LINGO2: variants seen among roughly 807,000 people sequenced by gnomAD.
LINGO2 encodes leucine rich repeat and Ig domain containing 2, also known as leucine-rich repeat and immunoglobulin-like domain-containing nogo receptor-interacting protein 2.
In LINGO2, 14 loss-of-function variants were observed where a neutral mutation model predicts 30.6. The observed-to-expected ratio is 0.46, with a 90% CI of 0.30 to 0.72. The LOEUF (loss-of-function observed/expected upper bound fraction) is 0.72. Ranked by LOEUF, LINGO2 falls within the 30% of genes least tolerant of loss-of-function variation. LINGO2 has a pLI of 0.07. For synonymous variants in LINGO2, 317 were observed against 288.5 expected (o/e 1.10, Z -1.00); for missense variants, 729 against 751.7 (o/e 0.97, Z 0.35).
chr9:28,512,186 G>T (rs144531869), intron 1 of LINGO2, among the ~76,000 whole-genome samples: 109 of 152,114 alleles, frequency 7.2e-4, no homozygotes, highest in South Asian at 2.1e-3. Context: ...TGGCCTGATG[G>T]GTCAGAAAGC....
At chr9:28,491,639 A>T (rs1334598477) in intron 1 of LINGO2, among the ~76,000 whole-genome samples, 5 of 152,162 alleles carry the variant, frequency 3.3e-5, no homozygotes, top group Admixed American at 2.6e-4. Context: ...AAACATTTAA[A>T]ATCAAATGGA....
At chr9:28,252,004 G>T (rs370995801) in intron 4 of LINGO2, among the ~76,000 whole-genome samples, 1 of 152,072 alleles carries the variant, frequency 6.6e-6, no homozygotes, top group East Asian at 1.9e-4. Flanking sequence ...TGGCCAATTT[G>T]CTTAACTTCC....
intron 4 of LINGO2, among the ~76,000 whole-genome samples, chr9:28,188,412 C>T (rs1819620289): frequency 6.6e-6 from 1 of 152,094 alleles, no homozygotes; most frequent in Non-Finnish European, 1.5e-5. Context: ...AATGGCCATC[C>T]TCTCTTCAAC....
intron 4 of LINGO2, among the ~76,000 whole-genome samples, chr9:28,245,057 T>C (rs958888583): frequency 2.5e-4 from 38 of 152,256 alleles, no homozygotes; most frequent in African/African-American, 8.4e-4. Context: ...AAATCCTTAA[T>C]CAAATACTGG....
At chr9:28,448,067 G>C (rs1007017686) in intron 2 of LINGO2, among the ~76,000 whole-genome samples, 3 of 152,076 alleles carry the variant, frequency 2.0e-5, no homozygotes, top group African/African-American at 7.2e-5. Context: ...ATACTACCTA[G>C]AGCTGCAAAT....
intron 1 of LINGO2, among the ~76,000 whole-genome samples, chr9:28,632,854 T>TATATATATATATA (rs1563878982): frequency 3.3e-4 from 27 of 83,042 alleles, no homozygotes; most frequent in African/African-American, 1.2e-3. Context: ...TATATATATT[T>TATATATATATATA]TTTATATATA....
chr9:28,759,080 T>C, the LINGO2 span, among the ~76,000 whole-genome samples: 2 of 152,092 alleles, frequency 1.3e-5, no homozygotes, highest in East Asian at 3.9e-4. Flanking sequence ...TTTTCCTTAG[T>C]TGCTGTCAGT....
intron 4 of LINGO2, among the ~76,000 whole-genome samples, chr9:28,082,397 G>T (rs760241351): frequency 6.6e-6 from 1 of 152,056 alleles, no homozygotes; most frequent in Non-Finnish European, 1.5e-5. Flanking sequence ...TCATGCTGTT[G>T]GTTGTGTGAT....
chr9:27,994,281 T>A (rs1207107396), intron 5 of LINGO2, among the ~76,000 whole-genome samples: 1 of 150,668 alleles, frequency 6.6e-6, no homozygotes, highest in Non-Finnish European at 1.5e-5. Context: ...ATTAGTAGAA[T>A]GAAAGAAATA....
intron 4 of LINGO2, among the ~76,000 whole-genome samples, chr9:28,112,043 A>T (rs13299165): frequency 4.7e-4 from 52 of 110,676 alleles, no homozygotes; most frequent in Non-Finnish European, 8.3e-4. Flanking sequence ...ATATCTCCCA[A>T]TGCTATCCCT....
At chr9:28,291,020 C>G (rs140285465) in intron 4 of LINGO2, among the ~76,000 whole-genome samples, 1 of 152,310 alleles carries the variant, frequency 6.6e-6, no homozygotes, top group African/African-American at 2.4e-5. Flanking sequence ...TGCACTGACT[C>G]TCAGAATTAT....
intron 2 of LINGO2, among the ~76,000 whole-genome samples, chr9:28,439,672 C>T (rs7040097): frequency 0.3 from 45,053 of 152,000 alleles, 7,914 homozygotes; most frequent in Non-Finnish European, 0.39. Flanking sequence ...TGTCTATTGC[C>T]ATGATTGTAA....
At chr9:28,186,111 C>T (rs1434839181) in intron 4 of LINGO2, among the ~76,000 whole-genome samples, 1 of 152,164 alleles carries the variant, frequency 6.6e-6, no homozygotes, top group Non-Finnish European at 1.5e-5. Flanking sequence ...CTTGTCCTGT[C>T]ATACTACTGT....
At chr9:28,830,817 G>A in the LINGO2 span, among the ~76,000 whole-genome samples, 928 of 147,832 alleles carry the variant, frequency 6.3e-3, 11 homozygotes, top group African/African-American at 0.023. Flanking sequence ...CACTTGCATC[G>A]TGCACATGCA....
At chr9:28,561,749 G>GTGTGTATATATATA (rs772157537) in intron 1 of LINGO2, among the ~76,000 whole-genome samples, 631 of 48,714 alleles carry the variant, frequency 0.013, 151 homozygotes, top group Non-Finnish European at 0.017. Flanking sequence ...GTGTGTGTGT[G>GTGTGTATATATATA]TATATATATA....
At chr9:28,232,625 T>C (rs542445663) in intron 4 of LINGO2, among the ~76,000 whole-genome samples, 1 of 152,168 alleles carries the variant, frequency 6.6e-6, no homozygotes, top group South Asian at 2.1e-4. Context: ...TGAGAACATT[T>C]AAGAACCACT....
the LINGO2 span, among the ~76,000 whole-genome samples, chr9:28,834,554 A>G: frequency 6.6e-6 from 1 of 152,204 alleles, no homozygotes; most frequent in Non-Finnish European, 1.5e-5. Context: ...GGTATCCATC[A>G]ACAATTATAA....
At chr9:28,411,196 G>C (rs1587633357) in intron 2 of LINGO2, among the ~76,000 whole-genome samples, 1 of 152,040 alleles carries the variant, frequency 6.6e-6, no homozygotes, top group East Asian at 1.9e-4. Flanking sequence ...GCTAAGATTA[G>C]TTATTTAAAA....
chr9:28,987,702 CTT>C, the LINGO2 span, among the ~76,000 whole-genome samples: 1 of 152,034 alleles, frequency 6.6e-6, no homozygotes, highest in South Asian at 2.1e-4. Flanking sequence ...TCTTAGAACT[CTT>C]TTTTCTACAT....
Sources: gnomAD v4.1 joint callset for allele counts (sites outside exome capture counted in the v4.1 genomes callset) on GRCh38, gnomAD v4.1.1 for gene constraint, MANE v1.5 for transcripts, NCBI Gene and HGNC (gene_info 2026-07-23, HGNC 2026-07-21) for gene names.